Variants in RIC1 observed in about 807,000 individuals in gnomAD.
RIC1 encodes guanine nucleotide exchange factor subunit RIC1.
A neutral mutation model predicts 169.0 loss-of-function variants in RIC1; 88 were observed. The ratio of observed to expected loss-of-function variants is 0.52; its 90% CI spans 0.44 to 0.62. The LOEUF (loss-of-function observed/expected upper bound fraction) is 0.62. RIC1 is among the 20% of genes least tolerant of loss of function. The pLI is 0.00. For missense variants in RIC1, 1,877 were observed against 1,725.5 expected, an observed-to-expected ratio of 1.09 and a Z score of -1.56; for synonymous variants, 790 against 601.5, an observed-to-expected ratio of 1.31 and a Z score of -4.59.
At chr9:5,638,135 T>C (rs1367679429) in intron 1 of RIC1, among the ~76,000 whole-genome samples, 2 of 152,240 alleles carry the variant, frequency 1.3e-5, no homozygotes, top group Non-Finnish European at 2.9e-5. Context: ...TCTGTTGATA[T>C]GATGTATCAC....
chr9:5,754,227 C>T (rs1443169871), intron 14 of RIC1, among the ~76,000 whole-genome samples: 1 of 152,184 alleles, frequency 6.6e-6, no homozygotes, highest in Non-Finnish European at 1.5e-5. Flanking sequence ...AACTAGGATT[C>T]AGTTACTCAT....
rs55764598 is a variant in RIC1 at position 5,658,775 on chromosome 9, A to C, written c.252+2085A>C. On this transcript the variant is annotated intron_variant, in intron 2 of 25. Transcript: ENST00000414202. ...GGAATATCTTGAATTGCCCTCCTCC[A>C]CAGCTGTTATGGCTTGGGTAGTGAT... is the stretch of plus-strand genomic sequence containing the variant. Among the ~76,000 whole-genome samples the C allele has an allele frequency of 9.8e-3, 1,481 of 151,864 alleles. 8 individuals carry two copies. Among genetic ancestry groups the C allele is most frequent in the Non-Finnish European group, 0.016 (1,063 of 67,848 alleles).
chr9:5,687,241 T>C (rs1306370425), intron 2 of RIC1, among the ~76,000 whole-genome samples: 4 of 152,158 alleles, frequency 2.6e-5, no homozygotes, highest in East Asian at 1.9e-4. Context: ...ACCAGAAATA[T>C]GTCAGTTTTA....
chr9:5,679,126 G>C (rs36183508), intron 2 of RIC1, among the ~76,000 whole-genome samples: 4,616 of 152,030 alleles, frequency 0.03, 66 homozygotes, highest in Non-Finnish European at 0.035. Context: ...TCTTGTTTTT[G>C]TCAGGTTTGT....
At position 5,774,366 on chromosome 9, in the gene RIC1, T is replaced by C. The variant is rs1020161714; in HGVS notation, c.*120T>C. On this transcript the variant is annotated 3_prime_UTR_variant, in exon 26 of 26. Coordinates refer to ENST00000414202, the MANE Select transcript of RIC1 (RefSeq NM_020829.4). ...AGTTCAGAGACTCTTCGGTAAGTAT[T>C]AGTAGATTTTAACTAATTCTTTCTT... 1.3e-6 allele frequency: 1 copy of C among 749,780 alleles called. No homozygotes were observed. Among genetic ancestry groups the C allele is most frequent in the Admixed American group, 3.1e-5 (1 of 32,340 alleles). The allele number at this position is 749,780 out of a possible 1,614,324, so 46.4% of individuals were successfully genotyped here. A position where few individuals can be genotyped will look rare whatever the true frequency, so the allele number is the denominator to read the frequency against.
chr9:5,632,322 TAA>T (rs1224974706), intron 1 of RIC1, among the ~76,000 whole-genome samples: 1 of 152,196 alleles, frequency 6.6e-6, no homozygotes, highest in Non-Finnish European at 1.5e-5. Context: ...TGATAATTCA[TAA>T]GACTGAATCT....
At chr9:5,630,214 T>A (rs977057511) in intron 1 of RIC1, among the ~76,000 whole-genome samples, 9 of 152,222 alleles carry the variant, frequency 5.9e-5, no homozygotes, top group African/African-American at 2.2e-4. Context: ...TTTCTTGTAT[T>A]GAATTACTGA....
chr9:5,674,441 T>G lies in RIC1; in HGVS notation c.253-15518T>G, dbSNP rs944274792. Among the ~76,000 whole-genome samples, 3 of 152,156 alleles carry G rather than the reference T, an allele frequency of 2.0e-5. No homozygotes were observed. The South Asian group carries it at 6.2e-4, about 31-fold the overall frequency. On this transcript the variant is annotated intron_variant, in intron 2 of 25. Transcript: ENST00000414202. ...CAGATTACTATGACTAATATTATATTTATCTTAACATCTCCACAAAGTTCT... is the reference window on the plus strand; with the variant it reads ...CAGATTACTATGACTAATATTATATGTATCTTAACATCTCCACAAAGTTCT...
chr9:5,734,128 A>G (rs1475658565), intron 7 of RIC1, among the ~76,000 whole-genome samples: 1 of 149,506 alleles, frequency 6.7e-6, no homozygotes. Flanking sequence ...TTATTTTTTG[A>G]GACAGTCTCG....
chr9:5,720,532 C>A, intron 5 of RIC1, 82 bp from the exon 6 acceptor site: 1 of 1,371,332 alleles, frequency 7.3e-7, no homozygotes, highest in Non-Finnish European at 9.9e-7. Flanking sequence ...CCCTTTTAAA[C>A]TTACAGGTTT....
intron 6 of RIC1, among the ~76,000 whole-genome samples, chr9:5,724,426 C>T (rs140434897): frequency 0.022 from 3,389 of 152,316 alleles, 137 homozygotes; most frequent in African/African-American, 0.077. Context: ...TGAGACTTTG[C>T]TGAAGTTGCC....
chr9:5,753,538 T>C lies in RIC1; in HGVS notation c.1494T>C (p.Phe498=). 6.3e-7 allele frequency: 1 copy of C among 1,591,508 alleles called. No homozygotes were observed. The highest frequency in any genetic ancestry group is 8.6e-7 in the Non-Finnish European group (1 of 1,167,880). The change falls in exon 14 of 26, where the codon TTT becomes TTC. Residue 498 remains phenylalanine (F), a splice_region_variant and synonymous_variant. Coordinates refer to ENST00000414202, the MANE Select transcript of RIC1 (RefSeq NM_020829.4). ...TYLESNWPIR[F]SAIDKLGQNI... ...TTCTTATTTTTTTTTTTAAACAGTTTTCAGCTATTGATAAGCTTGGACAGA... is the reference window on the plus strand; with the variant it reads ...TTCTTATTTTTTTTTTTAAACAGTTCTCAGCTATTGATAAGCTTGGACAGA...
intron 6 of RIC1, among the ~76,000 whole-genome samples, chr9:5,729,375 A>G (rs1477769369): frequency 6.6e-6 from 1 of 152,114 alleles, no homozygotes; most frequent in Non-Finnish European, 1.5e-5. Context: ...AACCACTTCT[A>G]CTACATTTAA....
At chr9:5,769,632 G>A in intron 22 of RIC1, 1 of 393,758 alleles carries the variant, frequency 2.5e-6, no homozygotes, top group Non-Finnish European at 4.4e-6. Flanking sequence ...GAACAGTAAG[G>A]CCACCTTCTA....
At chr9:5,711,050 A>G (rs1822899980) in intron 3 of RIC1, among the ~76,000 whole-genome samples, 1 of 152,204 alleles carries the variant, frequency 6.6e-6, no homozygotes, top group African/African-American at 2.4e-5. Context: ...ACATCAGTAG[A>G]TTGAACAGGT....
intron 17 of RIC1, among the ~76,000 whole-genome samples, chr9:5,759,560 C>T (rs557338246): frequency 6.6e-6 from 1 of 152,230 alleles, no homozygotes; most frequent in Non-Finnish European, 1.5e-5. Flanking sequence ...TCATTTGTAT[C>T]TTCATTCAAA....
chr9:5,683,343 ATTGT>A (rs1820981928), intron 2 of RIC1, among the ~76,000 whole-genome samples: 1 of 151,710 alleles, frequency 6.6e-6, no homozygotes, highest in African/African-American at 2.4e-5. Flanking sequence ...GTCCTTTCTG[ATTGT>A]TAGTTTTCCC....
rs13294396 is a variant in RIC1, at chr9:5,776,119, A to G, written c.*1873A>G. On this transcript the variant is annotated 3_prime_UTR_variant, in exon 26 of 26. Transcript: ENST00000414202. ...ACACTGTGCTGCTGAGTTCATCTCA[A>G]ACATTCTTGAAAGCAGGGCACCAGT... 3 of 152,194 alleles carry G rather than the reference A, an allele frequency of 2.0e-5. No homozygotes were observed. Among genetic ancestry groups the G allele is most frequent in the Admixed American group, 6.5e-5 (1 of 15,278 alleles). The allele number at this position is 152,194 out of a possible 1,614,324, so 9.4% of individuals were successfully genotyped here.
In RIC1 at chr9:5,713,931, A is replaced by G. The variant is rs767071332; in HGVS notation, c.368A>G (p.Lys123Arg). The G allele has an allele frequency of 6.2e-7, 1 of 1,613,252 alleles. No homozygotes were observed. The highest frequency in any genetic ancestry group is 1.7e-5 in the Admixed American group (1 of 60,012). The change falls in exon 4 of 26, where the codon AAG (lysine) becomes AGG (arginine). Residue 123 changes from lysine (K) to arginine (R), a missense_variant. By Grantham distance (26) the Lys-to-Arg change is conservative. Transcript: ENST00000414202. ...CAAATGAAGGGGACACCCCATTTTA[A>G]GGAAGAACAGTGTGCTCCAGCATTA... ...SPQMKGTPHF[K>R]EEQCAPALNL...
Sources: gnomAD v4.1 joint callset for allele counts (sites outside exome capture counted in the v4.1 genomes callset) on GRCh38, gnomAD v4.1.1 for gene constraint, MANE v1.5 for transcripts, NCBI Gene and HGNC (gene_info 2026-07-23, HGNC 2026-07-21) for gene names.